The following SLC41A2 variants were observed in gnomAD, a reference collection of about 807,000 sequenced individuals.
The protein encoded by SLC41A2 is SLC41A1-like 1.
In SLC41A2, 32 loss-of-function variants were observed where a neutral mutation model predicts 58.3. The observed-to-expected ratio is 0.55, with a 90% CI of 0.41 to 0.74. The LOEUF (loss-of-function observed/expected upper bound fraction) is 0.74, where lower values mean the gene tolerates loss of function less well. SLC41A2 is among the 30% of genes least tolerant of loss of function. The probability of loss-of-function intolerance (pLI) is 0.00; values close to 1 mark genes in which losing one functional copy is unlikely to be tolerated. For synonymous variants in SLC41A2, 190 were observed against 235.0 expected, an observed-to-expected ratio of 0.81 and a Z score of 1.75; for missense variants, 514 against 680.6, an observed-to-expected ratio of 0.76 and a Z score of 2.72.
At chr12:104,825,281 C>A (rs996906380) in intron 10 of SLC41A2, among the ~76,000 whole-genome samples, 1 of 152,136 alleles carries the variant, frequency 6.6e-6, no homozygotes, top group African/African-American at 2.4e-5. Context: ...CCTGGGCATG[C>A]CTGCAGCAGG....
At chr12:104,857,737 C>T (rs980723563) in intron 8 of SLC41A2, among the ~76,000 whole-genome samples, 1 of 151,246 alleles carries the variant, frequency 6.6e-6, no homozygotes, top group African/African-American at 2.4e-5. Context: ...CCATCATTCT[C>T]AGCAAACTAT....
At chr12:104,927,578 G>T (rs2046893205) in intron 2 of SLC41A2, among the ~76,000 whole-genome samples, 1 of 152,108 alleles carries the variant, frequency 6.6e-6, no homozygotes, top group Non-Finnish European at 1.5e-5. Context: ...TTTTGATTCG[G>T]AGATAAGGAA....
chr12:104,810,509 TATA>T (rs1344046800), intron 10 of SLC41A2, among the ~76,000 whole-genome samples: 1 of 152,198 alleles, frequency 6.6e-6, no homozygotes, highest in East Asian at 1.9e-4. Flanking sequence ...TAATTTATTG[TATA>T]ATATTTGCCC....
At chr12:104,841,473 G>T (rs2042408035) in intron 10 of SLC41A2, among the ~76,000 whole-genome samples, 1 of 151,886 alleles carries the variant, frequency 6.6e-6, no homozygotes, top group Non-Finnish European at 1.5e-5. Flanking sequence ...CTGGGTGCTG[G>T]AGATACAAAA....
intron 6 of SLC41A2, among the ~76,000 whole-genome samples, chr12:104,876,783 C>G (rs2044068172): frequency 6.6e-6 from 1 of 152,174 alleles, no homozygotes; most frequent in Non-Finnish European, 1.5e-5. Flanking sequence ...TTGTACATAT[C>G]TGCTAGATTC....
chr12:104,838,888 C>A (rs959447075), intron 10 of SLC41A2, among the ~76,000 whole-genome samples: 5 of 152,148 alleles, frequency 3.3e-5, no homozygotes, highest in African/African-American at 1.2e-4. Flanking sequence ...GTAGTTGGCA[C>A]ACTATATGTA....
At chr12:104,862,122 T>C (rs1416239406) in intron 7 of SLC41A2, among the ~76,000 whole-genome samples, 1 of 152,198 alleles carries the variant, frequency 6.6e-6, no homozygotes, top group Non-Finnish European at 1.5e-5. Context: ...TGCCCAAATC[T>C]TCCAGGAAAA....
chr12:104,937,576 C>A (rs921862513), intron 1 of SLC41A2, among the ~76,000 whole-genome samples: 1 of 152,150 alleles, frequency 6.6e-6, no homozygotes, highest in Non-Finnish European at 1.5e-5. Context: ...CTCTATGATA[C>A]GCAATGATGA....
intron 1 of SLC41A2, among the ~76,000 whole-genome samples, chr12:104,934,065 TAA>T (rs11336098): frequency 4.1e-5 from 6 of 145,932 alleles, no homozygotes; most frequent in South Asian, 4.3e-4. Flanking sequence ...ATAAAGCTAC[TAA>T]AAAAAAAAAA....
chr12:104,913,915 T>C (rs1332781547), intron 2 of SLC41A2, among the ~76,000 whole-genome samples: 4 of 152,152 alleles, frequency 2.6e-5, no homozygotes, highest in Middle Eastern at 3.4e-3. Context: ...CTGCAAAAAT[T>C]AGCTGGCATA....
chr12:104,861,998 A>G (rs1379597918), intron 7 of SLC41A2, among the ~76,000 whole-genome samples: 1 of 152,216 alleles, frequency 6.6e-6, no homozygotes, highest in Non-Finnish European at 1.5e-5. Context: ...TCAATGTGTC[A>G]GTGGAACTTG....
chr12:104,935,159 A>T (rs539668693), intron 1 of SLC41A2, among the ~76,000 whole-genome samples: 23 of 150,808 alleles, frequency 1.5e-4, no homozygotes, highest in African/African-American at 5.6e-4. Context: ...GGGTTTCACC[A>T]TGTTAGCCAG....
intron 1 of SLC41A2, among the ~76,000 whole-genome samples, chr12:104,957,228 G>A (rs1174238693): frequency 1.3e-5 from 2 of 152,218 alleles, no homozygotes; most frequent in African/African-American, 2.4e-5. Flanking sequence ...CATACTACAT[G>A]AGTGAAACTT....
intron 10 of SLC41A2, among the ~76,000 whole-genome samples, chr12:104,814,751 A>T (rs1000603708): frequency 2.6e-5 from 4 of 152,234 alleles, no homozygotes; most frequent in Non-Finnish European, 5.9e-5. Context: ...CTAAGTAAAT[A>T]TTGGTGCCAT....
rs2040823082 is a variant in SLC41A2, at chr12:104,804,482, C to G, written c.*670G>C. On this transcript the variant is annotated 3_prime_UTR_variant, in exon 11 of 11. Coordinates refer to ENST00000258538, the MANE Select transcript of SLC41A2 (RefSeq NM_001352171.3). Reference sequence around the variant, plus strand: ...ACAAATCAATCATCAAAAAATGACTCACTGCTTTCATTAACAATCTCTCAA... The same window carrying G: ...ACAAATCAATCATCAAAAAATGACTGACTGCTTTCATTAACAATCTCTCAA... 6.6e-6 allele frequency: 1 copy of G among 152,146 alleles called. No homozygotes were observed. Among genetic ancestry groups the G allele is most frequent in the African/African-American group, 2.4e-5 (1 of 41,422 alleles). The allele number at this position is 152,146 out of a possible 1,614,324, so 9.4% of individuals were successfully genotyped here.
At chr12:104,873,311 C>A (rs2043878029) in intron 6 of SLC41A2, among the ~76,000 whole-genome samples, 1 of 152,160 alleles carries the variant, frequency 6.6e-6, no homozygotes, top group Non-Finnish European at 1.5e-5. Flanking sequence ...GCTTATTTCA[C>A]TTGACATATA....
At chr12:104,893,783 A>C (rs2045136214) in intron 4 of SLC41A2, among the ~76,000 whole-genome samples, 1 of 152,204 alleles carries the variant, frequency 6.6e-6, no homozygotes, top group African/African-American at 2.4e-5. Flanking sequence ...GTTCTCACTT[A>C]TTTATGGGAT....
intron 1 of SLC41A2, among the ~76,000 whole-genome samples, chr12:104,933,046 A>C (rs1426280408): frequency 6.6e-6 from 1 of 152,224 alleles, no homozygotes; most frequent in Non-Finnish European, 1.5e-5. Context: ...GACATAATTG[A>C]ATGAAAAAGC....
At chr12:104,940,198 G>A (rs1040840918) in intron 1 of SLC41A2, among the ~76,000 whole-genome samples, 1 of 151,946 alleles carries the variant, frequency 6.6e-6, no homozygotes, top group Non-Finnish European at 1.5e-5. Context: ...TTTTAGTAGA[G>A]ATGGGGTTTC....
Sources: gnomAD v4.1 joint callset for allele counts (sites outside exome capture counted in the v4.1 genomes callset) on GRCh38, gnomAD v4.1.1 for gene constraint, MANE v1.5 for transcripts, NCBI Gene and HGNC (gene_info 2026-07-23, HGNC 2026-07-21) for gene names.